EIPR1: variants seen among roughly 807,000 people sequenced by gnomAD.
EIPR1 encodes EARP and GARP complex-interacting protein 1.
EIPR1 carries 25 observed loss-of-function variants against 48.1 expected under a neutral mutation model. The observed-to-expected ratio is 0.52, with a 90% CI of 0.38 to 0.73. EIPR1 has a LOEUF of 0.73. EIPR1 is among the 30% of genes least tolerant of loss of function. The pLI is 0.00. For missense variants in EIPR1, 415 were observed against 506.2 expected (o/e 0.82, Z 1.73); for synonymous variants, 204 against 201.9 (o/e 1.01, Z -0.09).
intron 3 of EIPR1, chr2:3,319,143 A>C: frequency 2.9e-6 from 1 of 349,224 alleles, no homozygotes; most frequent in South Asian, 2.2e-5. Flanking sequence ...GACAATAGTT[A>C]CATCTCCATC....
chr2:3,306,151 C>T (rs1037084296), intron 3 of EIPR1, among the ~76,000 whole-genome samples: 54 of 152,216 alleles, frequency 3.5e-4, no homozygotes, highest in Non-Finnish European at 5.1e-4. Context: ...GACAGAGGCC[C>T]GAAGTCATCA....
chr2:3,246,806 A>AGGGG (rs1666815181), intron 4 of EIPR1, among the ~76,000 whole-genome samples: 1 of 45,022 alleles, frequency 2.2e-5, no homozygotes, highest in Admixed American at 2.5e-4. Context: ...GGAGGGAGGC[A>AGGGG]GGGAGGGAGG....
chr2:3,208,872 C>T, intron 5 of EIPR1: 1 of 1,549,972 alleles, frequency 6.5e-7, no homozygotes, highest in South Asian at 1.2e-5. Context: ...CTCCAGTGTT[C>T]CTCTTCCCCA....
At chr2:3,219,851 C>T (rs1259358824) in intron 4 of EIPR1, among the ~76,000 whole-genome samples, 1 of 152,168 alleles carries the variant, frequency 6.6e-6, no homozygotes, top group Non-Finnish European at 1.5e-5. Context: ...ATGATGGCCC[C>T]AGTACATTCT....
chr2:3,303,603 A>G (rs1668822940), intron 3 of EIPR1, among the ~76,000 whole-genome samples: 1 of 152,252 alleles, frequency 6.6e-6, no homozygotes, highest in Non-Finnish European at 1.5e-5. Context: ...TTATTTTCAT[A>G]TTGGGAAATG....
chr2:3,214,834 G>A (rs1665575860), intron 4 of EIPR1, among the ~76,000 whole-genome samples: 1 of 152,170 alleles, frequency 6.6e-6, no homozygotes, highest in African/African-American at 2.4e-5. Context: ...CATAAGTCAG[G>A]GACTGTCTGT....
At chr2:3,217,286 G>A (rs1420776432) in intron 4 of EIPR1, among the ~76,000 whole-genome samples, 5 of 152,222 alleles carry the variant, frequency 3.3e-5, no homozygotes, top group East Asian at 1.9e-4. Context: ...GAGCAACACT[G>A]TATTACAGTT....
intron 3 of EIPR1, among the ~76,000 whole-genome samples, chr2:3,260,873 A>G (rs1185753447): frequency 6.6e-6 from 1 of 152,212 alleles, no homozygotes; most frequent in African/African-American, 2.4e-5. Context: ...GACCAACAAT[A>G]GCAAGTATTG....
chr2:3,363,846 G>T (rs1306288558), intron 1 of EIPR1, among the ~76,000 whole-genome samples: 1 of 149,644 alleles, frequency 6.7e-6, no homozygotes, highest in East Asian at 1.9e-4. Flanking sequence ...TAAAAAATGG[G>T]CAAAAGATCT....
chr2:3,358,495 A>G (rs763385290), intron 1 of EIPR1, among the ~76,000 whole-genome samples: 2 of 152,220 alleles, frequency 1.3e-5, no homozygotes, highest in Non-Finnish European at 2.9e-5. Flanking sequence ...TATCTGTGTG[A>G]GCCAATTCAA....
intron 6 of EIPR1, among the ~76,000 whole-genome samples, chr2:3,196,518 C>T (rs900793692): frequency 6.6e-6 from 1 of 152,190 alleles, no homozygotes; most frequent in East Asian, 1.9e-4. Context: ...GAGACTTAAC[C>T]TGGGGACTGC....
intron 3 of EIPR1, among the ~76,000 whole-genome samples, chr2:3,316,831 C>T (rs1451873532): frequency 6.6e-6 from 1 of 152,268 alleles, no homozygotes; most frequent in Non-Finnish European, 1.5e-5. Flanking sequence ...GCCACGCCAA[C>T]CTCTTGCCAT....
intron 3 of EIPR1, among the ~76,000 whole-genome samples, chr2:3,260,245 C>A (rs1431413190): frequency 1.3e-5 from 2 of 152,222 alleles, no homozygotes; most frequent in Non-Finnish European, 2.9e-5. Context: ...GTAATCCCAG[C>A]ACTTTGGGAG....
intron 3 of EIPR1, among the ~76,000 whole-genome samples, chr2:3,279,946 C>A (rs1251492426): frequency 6.6e-6 from 1 of 152,256 alleles, no homozygotes; most frequent in Admixed American, 6.5e-5. Flanking sequence ...AGCCTGGAGC[C>A]TATCAGCTGC....
chr2:3,266,221 T>C (rs1667482232), intron 3 of EIPR1, among the ~76,000 whole-genome samples: 2 of 152,154 alleles, frequency 1.3e-5, no homozygotes, highest in Non-Finnish European at 2.9e-5. Context: ...GGGGACATAA[T>C]CTGATCCCCA....
At chr2:3,234,182 C>T (rs111736369) in intron 4 of EIPR1, among the ~76,000 whole-genome samples, 2,928 of 152,284 alleles carry the variant, frequency 0.019, 91 homozygotes, top group African/African-American at 0.067. Flanking sequence ...GGAATGAGGG[C>T]ACATGTGTTT....
At chr2:3,220,220 G>A (rs1183158475) in intron 4 of EIPR1, among the ~76,000 whole-genome samples, 1 of 152,154 alleles carries the variant, frequency 6.6e-6, no homozygotes, top group Non-Finnish European at 1.5e-5. Context: ...AATGAGGCAG[G>A]TATGCACACA....
At chr2:3,252,224 T>A (rs1199674316) in intron 4 of EIPR1, among the ~76,000 whole-genome samples, 2 of 151,898 alleles carry the variant, frequency 1.3e-5, no homozygotes, top group African/African-American at 2.4e-5. Flanking sequence ...AGGCTCAGCG[T>A]CCACAGAGAA....
In EIPR1 at chr2:3,320,310, C is replaced by T. The variant is rs550468172; in HGVS notation, c.259+17707G>A. 4 of 163,082 alleles carry T rather than the reference C, an allele frequency of 2.5e-5. No homozygotes were observed. In the South Asian group the frequency reaches 4.1e-4, roughly 17 times the overall value. 10.1% of individuals were successfully genotyped at this position (163,082 alleles called of 1,614,324 possible). A position where few individuals can be genotyped will look rare whatever the true frequency, so the allele number is the denominator to read the frequency against. On this transcript the variant is annotated intron_variant, in intron 3 of 8. Coordinates refer to ENST00000382125, the MANE Select transcript of EIPR1 (RefSeq NM_003310.5). Reference sequence around the variant, plus strand: ...CTGCGGATGACACCACACCTGCGGGCAGGACAACACCGCACCTGCAGACAG... The same window carrying T: ...CTGCGGATGACACCACACCTGCGGGTAGGACAACACCGCACCTGCAGACAG...
Sources: allele counts gnomAD v4.1 joint callset (sites outside exome capture counted in the v4.1 genomes callset), GRCh38; gene constraint gnomAD v4.1.1; transcripts MANE v1.5; gene names NCBI Gene and HGNC (gene_info 2026-07-23, HGNC 2026-07-21).